The following RARB variants were observed in gnomAD, a reference collection of about 807,000 sequenced individuals.
RARB encodes HBV-activated protein.
A neutral mutation model predicts 51.9 loss-of-function variants in RARB; 17 were observed. The ratio of observed to expected loss-of-function variants is 0.33; its 90% CI spans 0.22 to 0.49. The LOEUF (loss-of-function observed/expected upper bound fraction) is 0.49, where lower values mean the gene tolerates loss of function less well. Ranked by LOEUF, RARB falls within the 20% of genes least tolerant of loss-of-function variation. The pLI, the probability that RARB is intolerant of heterozygous loss-of-function variation, is 0.99. For missense variants in RARB, 369 were observed against 550.8 expected (o/e 0.67, Z 3.30); for synonymous variants, 215 against 195.4 (o/e 1.10, Z -0.84).
intron 2 of RARB, among the ~76,000 whole-genome samples, chr3:24,901,888 CGTT>C (rs1559388699): frequency 6.6e-6 from 1 of 151,948 alleles, no homozygotes; most frequent in Non-Finnish European, 1.5e-5. Flanking sequence ...ATATATATAA[CGTT>C]AATAATAATA....
chr3:25,197,774 G>T (rs1409313736), intron 5 of RARB, among the ~76,000 whole-genome samples: 2 of 151,696 alleles, frequency 1.3e-5, no homozygotes, highest in Non-Finnish European at 2.9e-5. Flanking sequence ...GTAATAAGTT[G>T]AAGAAGACAC....
chr3:25,445,919 T>C (rs999812037), intron 1 of RARB, among the ~76,000 whole-genome samples: 1 of 152,240 alleles, frequency 6.6e-6, no homozygotes, highest in Non-Finnish European at 1.5e-5. Context: ...AGAGTGCATT[T>C]CATTTTGTCT....
At chr3:25,441,389 G>T in intron 1 of RARB, 1 of 244,038 alleles carries the variant, frequency 4.1e-6, no homozygotes, top group Non-Finnish European at 8.6e-6. Context: ...TAATTTCACG[G>T]AGTACCCCAG....
chr3:25,241,476 C>A (rs1012402089), intron 5 of RARB, among the ~76,000 whole-genome samples: 3 of 152,282 alleles, frequency 2.0e-5, no homozygotes, highest in Admixed American at 1.3e-4. Context: ...CCTGCCACAA[C>A]CCCCGGACAG....
chr3:25,087,872 T>A (rs796175225), intron 3 of RARB, among the ~76,000 whole-genome samples: 82 of 151,964 alleles, frequency 5.4e-4, no homozygotes, highest in African/African-American at 1.9e-3. Context: ...TCCTTTTGTT[T>A]CCCCAAAAGT....
intron 4 of RARB, among the ~76,000 whole-genome samples, chr3:25,576,263 A>G (rs1226890535): frequency 6.6e-6 from 1 of 152,140 alleles, no homozygotes; most frequent in Non-Finnish European, 1.5e-5. Context: ...GTCATGAGAA[A>G]AAGCAGTTCG....
intron 5 of RARB, among the ~76,000 whole-genome samples, chr3:25,290,808 G>T (rs1703767753): frequency 6.6e-6 from 1 of 152,088 alleles, no homozygotes; most frequent in Admixed American, 6.5e-5. Flanking sequence ...CTCAGTCCTT[G>T]GCTTTTCCCT....
chr3:25,264,198 CT>C (rs1703073596), intron 5 of RARB, among the ~76,000 whole-genome samples: 1 of 151,974 alleles, frequency 6.6e-6, no homozygotes, highest in African/African-American at 2.4e-5. Context: ...GAATTCAAAG[CT>C]CTTGCTAAAC....
At chr3:25,368,716 G>A (rs1296381735) in intron 5 of RARB, among the ~76,000 whole-genome samples, 1 of 152,146 alleles carries the variant, frequency 6.6e-6, no homozygotes, top group Non-Finnish European at 1.5e-5. Flanking sequence ...AGATTTCCAG[G>A]TGTGTCCATT....
intron 7 of RARB, among the ~76,000 whole-genome samples, chr3:25,595,758 G>A (rs1701793448): frequency 6.6e-6 from 1 of 152,208 alleles, no homozygotes; most frequent in South Asian, 2.1e-4. Context: ...TAGCTACCTA[G>A]TGGGTATTGT....
intron 3 of RARB, among the ~76,000 whole-genome samples, chr3:25,531,520 G>A (rs1280224764): frequency 6.6e-6 from 1 of 152,012 alleles, no homozygotes; most frequent in East Asian, 1.9e-4. Context: ...TAGTTTCTCT[G>A]GTGATAATGT....
intron 4 of RARB, among the ~76,000 whole-genome samples, chr3:25,165,210 G>A (rs1169818939): frequency 1.3e-5 from 2 of 152,104 alleles, no homozygotes; most frequent in African/African-American, 2.4e-5. Flanking sequence ...CACAGTTGTA[G>A]CTACTGTGAC....
chr3:24,843,694 C>T lies in RARB; in HGVS notation c.-459+14291C>T, dbSNP rs113981565. ...GCATCAGCATCATTTGGGAGCCCAT[C>T]AGGAATGCAGAACTAGGGCTCAACC... is the stretch of plus-strand genomic sequence containing the variant. On this transcript the variant is annotated intron_variant, in intron 1 of 11. Coordinates refer to the RARB transcript ENST00000383772. Among the ~76,000 whole-genome samples, 862 of 152,240 alleles carry T rather than the reference C, an allele frequency of 5.7e-3. 4 individuals are homozygous for T. The highest frequency in any genetic ancestry group is 0.01 in the Non-Finnish European group (704 of 68,010).
intron 5 of RARB, among the ~76,000 whole-genome samples, chr3:25,332,011 T>A (rs1460389084): frequency 6.6e-6 from 1 of 151,884 alleles, no homozygotes; most frequent in African/African-American, 2.4e-5. Context: ...AATAACAGGG[T>A]CTGAAATTGA....
intron 5 of RARB, chr3:25,259,815 C>T (rs1030872053): frequency 2.8e-6 from 2 of 718,182 alleles, no homozygotes; most frequent in African/African-American, 1.9e-5. Context: ...CATCTTCTTC[C>T]TCAGTAAAGT....
intron 5 of RARB, among the ~76,000 whole-genome samples, chr3:25,197,087 C>G (rs1485292147): frequency 6.6e-6 from 1 of 152,040 alleles, no homozygotes; most frequent in Non-Finnish European, 1.5e-5. Context: ...TGCCATTTGT[C>G]TGTTTTGGCT....
At chr3:24,998,710 C>CT (rs1697095944) in intron 2 of RARB, among the ~76,000 whole-genome samples, 1 of 152,008 alleles carries the variant, frequency 6.6e-6, no homozygotes, top group Non-Finnish European at 1.5e-5. Context: ...AGGGATTTTC[C>CT]TTTTTTCTTT....
chr3:25,248,719 G>T (rs1020421689), intron 5 of RARB, among the ~76,000 whole-genome samples: 2 of 152,078 alleles, frequency 1.3e-5, no homozygotes, highest in Non-Finnish European at 2.9e-5. Flanking sequence ...CTGGATCCTT[G>T]GCTGGCAATT....
At chr3:25,596,289 C>T (rs1024294019) in intron 7 of RARB, 131 bp from the exon 8 acceptor site, 2 of 694,932 alleles carry the variant, frequency 2.9e-6, no homozygotes, top group Non-Finnish European at 2.4e-6. Flanking sequence ...CACCTGATAT[C>T]TACATTTCAT....
Sources: gnomAD v4.1 joint callset for allele counts (sites outside exome capture counted in the v4.1 genomes callset) on GRCh38, gnomAD v4.1.1 for gene constraint, MANE v1.5 for transcripts, NCBI Gene and HGNC (gene_info 2026-07-23, HGNC 2026-07-21) for gene names.